KCNC2: variants seen among roughly 807,000 people sequenced by gnomAD.
KCNC2 encodes the protein potassium voltage-gated channel subfamily C member 2.
In KCNC2, 21 loss-of-function variants were observed where a neutral mutation model predicts 44.5. The observed-to-expected ratio is 0.47, with a 90% confidence interval of 0.33 to 0.68. The LOEUF is 0.68. Among genes scored for constraint, KCNC2 ranks in the 30% least tolerant of loss-of-function variants. KCNC2 has a pLI of 0.01. For missense variants in KCNC2, 589 were observed against 826.2 expected (o/e 0.71, Z 3.52); for synonymous variants, 391 against 339.1 (o/e 1.15, Z -1.68).
intron 2 of KCNC2, among the ~76,000 whole-genome samples, chr12:75,120,168 A>G (rs1219274065): frequency 1.3e-5 from 2 of 152,238 alleles, no homozygotes; most frequent in Non-Finnish European, 2.9e-5. Context: ...TAAGGGGAAT[A>G]TAGAACAACA....
rs1266106482 is a variant in KCNC2 at position 75,095,783 on chromosome 12, A to T, written c.688-44466T>A. ...TTGAGTAAATGAATAAATTTTATTA[A>T]TCATGTTCTTAAATATTTGTTTACT... On this transcript the variant is annotated intron_variant, in intron 2 of 4. Transcript: ENST00000549446. 2.0e-5 allele frequency among the ~76,000 whole-genome samples: 3 copies of T among 152,042 alleles called. No homozygotes were observed. The East Asian group carries it at 5.8e-4, about 29-fold the overall frequency.
chr12:75,048,498 ATGTAT>A (rs886723270), intron 3 of KCNC2, among the ~76,000 whole-genome samples, 181 bp from the exon 4 acceptor site: 3 of 152,236 alleles, frequency 2.0e-5, no homozygotes, highest in Non-Finnish European at 4.4e-5. Flanking sequence ...CAAAATGGAA[ATGTAT>A]TGAAAAGAAT....
Position 75,182,528 on chromosome 12 carries a change from A to AC in KCNC2, c.687+24768_687+24769insG, listed in dbSNP as rs1324188464. ...AGAGCGAGATTCCGTCTCAAAAAAA[A>AC]AAAAAAAAACAAAAAAAACAAAAAA... On this transcript the variant is annotated intron_variant, in intron 2 of 4. Coordinates refer to ENST00000549446, the MANE Select transcript of KCNC2 (RefSeq NM_139137.4). 1.2e-3 allele frequency among the ~76,000 whole-genome samples: 164 copies of AC among 140,080 alleles called. 1 individual carries two copies. Among genetic ancestry groups the AC allele is most frequent in the Non-Finnish European group, 2.0e-3 (131 of 63,976 alleles). 91.9% of individuals were successfully genotyped at this position (140,080 alleles called of 152,430 possible).
intron 2 of KCNC2, among the ~76,000 whole-genome samples, chr12:75,061,575 AC>A (rs1882333487): frequency 4.8e-5 from 1 of 20,792 alleles, no homozygotes; most frequent in African/African-American, 1.1e-4. Flanking sequence ...GTACACACAC[AC>A]ACACACACAC....
chr12:75,108,393 T>G (rs74110407), intron 2 of KCNC2, among the ~76,000 whole-genome samples: 2 of 152,144 alleles, frequency 1.3e-5, no homozygotes, highest in African/African-American at 4.8e-5. Context: ...ATAAATGAGA[T>G]AGCTGATGTT....
Position 75,050,515 on chromosome 12 carries a change from A to G in KCNC2, c.1490T>C (p.Ile497Thr). 1 of 1,613,506 alleles carries G rather than the reference A, an allele frequency of 6.2e-7. No homozygotes were observed. Among genetic ancestry groups the G allele is most frequent in the Non-Finnish European group, 8.5e-7 (1 of 1,179,780 alleles). The change falls in exon 3 of 5, where the codon ATC becomes ACC. Residue 497 changes from isoleucine (I) to threonine (T), a missense_variant. Transcript: ENST00000549446. ...QKLPRKRKKH[I>T]PPAPQASSPT... ...TGAGCTTGCCTGAGGAGCAGGAGGGATGTGCTTCTTTCTTTTCCTTGGAAG... is the reference window on the plus strand; with the variant it reads ...TGAGCTTGCCTGAGGAGCAGGAGGGGTGTGCTTCTTTCTTTTCCTTGGAAG...
At chr12:75,141,302 C>G (rs929226467) in intron 2 of KCNC2, among the ~76,000 whole-genome samples, 2 of 151,992 alleles carry the variant, frequency 1.3e-5, no homozygotes, top group Admixed American at 1.3e-4. Context: ...TGTGATTAAC[C>G]GGAGAAAACT....
At chr12:75,076,862 G>C (rs557661891) in intron 2 of KCNC2, among the ~76,000 whole-genome samples, 15 of 152,258 alleles carry the variant, frequency 9.9e-5, no homozygotes, top group African/African-American at 3.6e-4. Flanking sequence ...TGTTAATAAA[G>C]TTTGGGAACA....
intron 4 of KCNC2, 57 bp downstream of exon 4, chr12:75,048,096 A>G: frequency 6.7e-7 from 1 of 1,483,030 alleles, no homozygotes; most frequent in Non-Finnish European, 9.4e-7. Flanking sequence ...TACTCCATGT[A>G]TTTCCAACAG....
intron 2 of KCNC2, among the ~76,000 whole-genome samples, chr12:75,060,592 A>C (rs1009861193): frequency 6.6e-6 from 1 of 151,962 alleles, no homozygotes; most frequent in Admixed American, 6.6e-5. Flanking sequence ...CAGCCTCCCA[A>C]GTTGCTGGGA....
chr12:75,153,372 C>T (rs950812875), intron 2 of KCNC2, among the ~76,000 whole-genome samples: 20 of 151,866 alleles, frequency 1.3e-4, no homozygotes, highest in African/African-American at 4.8e-4. Context: ...CATTTGACTC[C>T]CACAAATACT....
Position 75,042,260 on chromosome 12 carries a change from C to T in KCNC2, c.*845G>A, listed in dbSNP as rs1253617431. 1 of 1,603,684 alleles carries T rather than the reference C, an allele frequency of 6.2e-7. No individual in the cohort carries two copies. The highest frequency in any genetic ancestry group is 8.5e-7 in the Non-Finnish European group (1 of 1,175,336). ...AGCAGCAATTTCTGGCTAAACAATG[C>T]AAGCCTGGCTGGCAGTTACCTTTCT... is the stretch of plus-strand genomic sequence containing the variant. On this transcript the variant is annotated 3_prime_UTR_variant, in exon 5 of 5. Coordinates refer to ENST00000549446, the MANE Select transcript of KCNC2 (RefSeq NM_139137.4).
At chr12:75,174,389 G>A (rs1472074507) in intron 2 of KCNC2, among the ~76,000 whole-genome samples, 1 of 151,782 alleles carries the variant, frequency 6.6e-6, no homozygotes, top group Non-Finnish European at 1.5e-5. Flanking sequence ...CTTAGGTAAA[G>A]TAATTGAATG....
At chr12:75,125,338 T>C (rs369573890) in intron 2 of KCNC2, among the ~76,000 whole-genome samples, 1 of 152,086 alleles carries the variant, frequency 6.6e-6, no homozygotes, top group Non-Finnish European at 1.5e-5. Context: ...AATCTCTAGG[T>C]CTTAAACTCG....
In KCNC2 at chr12:75,085,799, C is replaced by A. The variant is rs982857360; in HGVS notation, c.688-34482G>T. Among the ~76,000 whole-genome samples the A allele has an allele frequency of 2.6e-5, 4 of 152,022 alleles. No individual in the cohort carries two copies. The South Asian group carries it at 8.3e-4, about 32-fold the overall frequency. On this transcript the variant is annotated intron_variant, in intron 2 of 4. Coordinates refer to ENST00000549446, the MANE Select transcript of KCNC2 (RefSeq NM_139137.4). ...CATTTAACTGATTATGTTTACTTTCCTAGTAACCTTCCAAATAACGACTCA... is the reference window on the plus strand; with the variant it reads ...CATTTAACTGATTATGTTTACTTTCATAGTAACCTTCCAAATAACGACTCA...
At chr12:75,072,255 C>T (rs904211282) in intron 2 of KCNC2, among the ~76,000 whole-genome samples, 2 of 152,082 alleles carry the variant, frequency 1.3e-5, no homozygotes, top group Non-Finnish European at 2.9e-5. Context: ...GAACTAAAGT[C>T]GCCTTGACAG....
chr12:75,139,424 C>T (rs1394248650), intron 2 of KCNC2, among the ~76,000 whole-genome samples: 6 of 152,120 alleles, frequency 3.9e-5, no homozygotes, highest in Admixed American at 2.6e-4. Flanking sequence ...AAAACAGCAG[C>T]GAGTGAAATA....
At chr12:75,071,427 A>G (rs2137035546) in intron 2 of KCNC2, among the ~76,000 whole-genome samples, 1 of 152,274 alleles carries the variant, frequency 6.6e-6, no homozygotes, top group South Asian at 2.1e-4. Flanking sequence ...TCAGGAGGAA[A>G]CCCAACACAT....
At chr12:75,192,587 G>A (rs1055413645) in intron 2 of KCNC2, among the ~76,000 whole-genome samples, 1 of 152,094 alleles carries the variant, frequency 6.6e-6, no homozygotes, top group African/African-American at 2.4e-5. Context: ...TTCATTTACT[G>A]TTAGTCTAAA....
Sources: allele counts gnomAD v4.1 joint callset (sites outside exome capture counted in the v4.1 genomes callset), GRCh38; gene constraint gnomAD v4.1.1; transcripts MANE v1.5; gene names NCBI Gene and HGNC (gene_info 2026-07-23, HGNC 2026-07-21).